Variants in DMRT3 observed in about 807,000 individuals in gnomAD.
DMRT3 encodes doublesex- and mab-3-related transcription factor 3.
Under a neutral mutation model 34.9 loss-of-function variants are expected in DMRT3, and 29 were observed. The observed-to-expected ratio is 0.83, with a 90% CI of 0.62 to 1.13. The LOEUF is 1.13. Among genes scored for constraint, DMRT3 ranks in the 50% most tolerant of loss-of-function variants. The pLI, the probability that DMRT3 is intolerant of heterozygous loss-of-function variation, is 0.00. For missense variants in DMRT3, 772 were observed against 629.1 expected, an observed-to-expected ratio of 1.23 and a Z score of -2.43; for synonymous variants, 350 against 286.0, an observed-to-expected ratio of 1.22 and a Z score of -2.26.
intron 1 of DMRT3, among the ~76,000 whole-genome samples, chr9:981,787 C>T (rs1011843383): frequency 3.9e-5 from 6 of 152,194 alleles, no homozygotes; most frequent in African/African-American, 9.7e-5. Flanking sequence ...ACCAGGGGGT[C>T]GGAGCTGCAG....
intron 1 of DMRT3, among the ~76,000 whole-genome samples, chr9:984,577 C>G (rs1245145384): frequency 1.3e-5 from 2 of 152,036 alleles, no homozygotes; most frequent in Non-Finnish European, 2.9e-5. Context: ...CTGCCTCAGC[C>G]TCCTGAGTAG....
chr9:980,047 T>G (rs1221461512), intron 1 of DMRT3, among the ~76,000 whole-genome samples: 1 of 152,154 alleles, frequency 6.6e-6, no homozygotes, highest in Non-Finnish European at 1.5e-5. Flanking sequence ...TTAGTCTTTT[T>G]GCGGGGCAAA....
In DMRT3 at chr9:990,741, G is replaced by A; in HGVS notation, c.1155G>A (p.Leu385=). 1 of 1,613,974 alleles carries A rather than the reference G, an allele frequency of 6.2e-7. No individual in the cohort carries two copies. Among genetic ancestry groups the A allele is most frequent in the Non-Finnish European group, 8.5e-7 (1 of 1,179,980 alleles). The change falls in exon 2 of 2, where the codon TTG becomes TTA. Residue 385 remains leucine (L), a synonymous_variant. Coordinates refer to ENST00000190165, the MANE Select transcript of DMRT3 (RefSeq NM_021240.4). ...TLARSQSSPF[L]PNDVTLWNTM... is the part of the protein sequence containing the mutation. ...CGAGAAGCCAGTCGAGCCCCTTTTT[G>A]CCCAATGATGTCACCCTGTGGAACA...
Position 990,626 on chromosome 9 carries a change from G to C in DMRT3, c.1040G>C (p.Ser347Thr), listed in dbSNP as rs151119715. Residue 347 changes from serine (S) to threonine (T), a missense_variant, in exon 2 of 2, where the codon AGC becomes ACC. Physicochemically the swap from Ser to Thr is moderately conservative, Grantham distance 58. Coordinates refer to ENST00000190165, the MANE Select transcript of DMRT3 (RefSeq NM_021240.4). The part of the protein sequence containing the change: ...PDTLRFSADS[S>T]NVVPSPLAGP... ...ACGTTGAGGTTTTCTGCCGACTCTA[G>C]CAACGTTGTCCCCAGTCCCTTGGCT... is the stretch of plus-strand genomic sequence containing the variant. 509 of 1,614,106 alleles carry C rather than the reference G, an allele frequency of 3.2e-4. No homozygotes were observed. The African/African-American group carries it at 6.1e-3, about 19-fold the overall frequency.
Position 990,267 on chromosome 9 carries a change from G to C in DMRT3, c.681G>C (p.Gln227His). The C allele has an allele frequency of 6.2e-7, 1 of 1,613,920 alleles. No homozygotes were observed. Among genetic ancestry groups the C allele is most frequent in the East Asian group, 2.2e-5 (1 of 44,854 alleles). The change falls in exon 2 of 2, where the codon CAG becomes CAC. Residue 227 changes from glutamine (Q) to histidine (H), a missense_variant. Gln to His is a conservative substitution (Grantham distance 24). Transcript: ENST00000190165. ...ACAGCCCCAAGTGTCACGCGGAGCA[G>C]AATCACCTCCTGATTGAGGGCCCCT... ...RPDSPKCHAEQNHLLIEGPSG... is the reference protein window; with the variant it reads ...RPDSPKCHAEHNHLLIEGPSG...
chr9:990,968 A>G lies in DMRT3; in HGVS notation c.1382A>G (p.Asp461Gly). The G allele has an allele frequency of 6.2e-7, 1 of 1,613,178 alleles. No individual in the cohort carries two copies. The highest frequency in any genetic ancestry group is 8.5e-7 in the Non-Finnish European group (1 of 1,179,714). ...YTEDDYDERSDSSDSRTLNTS... is the reference protein window; with the variant it reads ...YTEDDYDERSGSSDSRTLNTS... ...GAGGACGACTATGACGAGAGGTCTGACTCCTCAGACTCTAGAACACTCAAC... is the reference window on the plus strand; with the variant it reads ...GAGGACGACTATGACGAGAGGTCTGGCTCCTCAGACTCTAGAACACTCAAC... Residue 461 changes from aspartate to glycine, a missense_variant, in exon 2 of 2, where the codon GAC becomes GGC. Coordinates refer to ENST00000190165, the MANE Select transcript of DMRT3 (RefSeq NM_021240.4).
chr9:984,693 G>A (rs146909561), intron 1 of DMRT3, among the ~76,000 whole-genome samples: 2,977 of 152,118 alleles, frequency 0.02, 91 homozygotes, highest in African/African-American at 0.067. Context: ...TCCTGACCTC[G>A]TGATCCACCT....
rs16927037 is a variant in DMRT3 at position 990,653 on chromosome 9, G to A, written c.1067G>A (p.Gly356Glu). 5 of 1,613,946 alleles carry A rather than the reference G, an allele frequency of 3.1e-6. No individual in the cohort carries two copies. Among genetic ancestry groups the A allele is most frequent in the South Asian group, 1.1e-5 (1 of 91,070 alleles). The stretch of plus-strand genomic sequence containing the variant: ...AACGTTGTCCCCAGTCCCTTGGCTG[G>A]GCCTCTGCAGCCCCCTTTCCCCCAG... Reference protein sequence around the residue: ...SSNVVPSPLAGPLQPPFPQPP... With the variant: ...SSNVVPSPLAEPLQPPFPQPP... The change falls in exon 2 of 2, where the codon GGG becomes GAG. Residue 356 changes from glycine (G) to glutamate (E), a missense_variant. Gly to Glu is a moderately conservative substitution (Grantham distance 98, BLOSUM62 -2). Transcript: ENST00000190165.
Position 977,468 on chromosome 9 carries a change from G to C in DMRT3, c.454+13G>C. The stretch of plus-strand genomic sequence containing the variant: ...CTCGCCAAGCCAGGTAAGAGCGTCT[G>C]AGGTGCGGGAGTTTGGCCGGGCGCG... On this transcript the variant is annotated intron_variant, in intron 1 of 1. Coordinates refer to ENST00000190165, the MANE Select transcript of DMRT3 (RefSeq NM_021240.4). The C allele has an allele frequency of 7.8e-7, 1 of 1,279,662 alleles. No individual in the cohort carries two copies. Among genetic ancestry groups the C allele is most frequent in the Non-Finnish European group, 9.9e-7 (1 of 1,012,674 alleles). 79.3% of individuals were successfully genotyped at this position (1,279,662 alleles called of 1,614,324 possible).
rs1820232430 is a variant in DMRT3 at position 982,354 on chromosome 9, C to T, written c.454+4899C>T. On this transcript the variant is annotated intron_variant, in intron 1 of 1. Coordinates refer to ENST00000190165, the MANE Select transcript of DMRT3 (RefSeq NM_021240.4). ...CGTCTAGGAACCAGAGTTCTACTGC[C>T]ATCTGGGAAAGAACCTCTCTCCACC... 2.6e-5 allele frequency among the ~76,000 whole-genome samples: 4 copies of T among 152,204 alleles called. No individual in the cohort carries two copies. In the South Asian group the frequency reaches 6.2e-4, roughly 24 times the overall value.
intron 1 of DMRT3, among the ~76,000 whole-genome samples, chr9:983,753 A>C (rs538542524): frequency 6.6e-6 from 1 of 152,318 alleles, no homozygotes; most frequent in African/African-American, 2.4e-5. Context: ...TTTACAAAAT[A>C]TGTGAGGTCC....
Position 977,091 on chromosome 9 carries a change from G to A in DMRT3, c.90G>A (p.Ala30=). The change falls in exon 1 of 2, where the codon GCG becomes GCA. Residue 30 remains alanine, a synonymous_variant. Coordinates refer to ENST00000190165, the MANE Select transcript of DMRT3 (RefSeq NM_021240.4). Reference sequence around the variant, plus strand: ...CCCTGCAGCGCACGCCCAAGTGCGCGCGCTGCCGCAACCATGGCGTCCTGT... The same window carrying A: ...CCCTGCAGCGCACGCCCAAGTGCGCACGCTGCCGCAACCATGGCGTCCTGT... ...RAPLQRTPKC[A]RCRNHGVLSW... 1 of 1,600,248 alleles carries A rather than the reference G, an allele frequency of 6.2e-7. No individual in the cohort carries two copies. Among genetic ancestry groups the A allele is most frequent in the Non-Finnish European group, 8.5e-7 (1 of 1,174,270 alleles).
At chr9:987,244 T>A (rs1402857050) in intron 1 of DMRT3, among the ~76,000 whole-genome samples, 8 of 152,190 alleles carry the variant, frequency 5.3e-5, no homozygotes, top group Non-Finnish European at 8.8e-5. Flanking sequence ...ACCACCACAC[T>A]ACTTTCTCTC....
At chr9:989,098 CCTT>C (rs764022862) in intron 1 of DMRT3, among the ~76,000 whole-genome samples, 2 of 152,016 alleles carry the variant, frequency 1.3e-5, no homozygotes, top group Non-Finnish European at 2.9e-5. Context: ...TTTTTTCCCT[CCTT>C]CTTCTTTTCA....
intron 1 of DMRT3, among the ~76,000 whole-genome samples, chr9:982,603 A>G (rs1023034893): frequency 1.3e-5 from 2 of 152,216 alleles, no homozygotes; most frequent in Admixed American, 1.3e-4. Context: ...AATACAATCA[A>G]AGAGCATTGA....
Position 990,047 on chromosome 9 carries a change from C to G in DMRT3, c.461C>G (p.Thr154Ser), listed in dbSNP as rs757191358. 3.1e-6 allele frequency: 5 copies of G among 1,613,700 alleles called. No individual in the cohort carries two copies. The highest frequency in any genetic ancestry group is 1.7e-4 in the Middle Eastern group (1 of 6,058). Reference protein sequence around the residue: ...LQAQLAKPDLTEERLGDGKSA... With the variant: ...LQAQLAKPDLSEERLGDGKSA... ...CAGCTGTTCTGTTTTCCAGATTTGA[C>G]TGAAGAACGACTTGGAGACGGCAAG... The change falls in exon 2 of 2, where the codon ACT becomes AGT. Residue 154 changes from threonine to serine, a missense_variant. Thr to Ser is a moderately conservative substitution (Grantham distance 58). Coordinates refer to ENST00000190165, the MANE Select transcript of DMRT3 (RefSeq NM_021240.4).
intron 1 of DMRT3, among the ~76,000 whole-genome samples, chr9:980,574 A>G (rs1820203968): frequency 2.0e-5 from 3 of 152,004 alleles, no homozygotes; most frequent in Admixed American, 6.6e-5. Context: ...CTTAAATTTA[A>G]ATTCTAATTT....
chr9:987,412 CTGTGTGTGTGTGTGTGTGTGTG>C (rs6150885), intron 1 of DMRT3, among the ~76,000 whole-genome samples: 4 of 149,616 alleles, frequency 2.7e-5, no homozygotes, highest in East Asian at 2.0e-4. Context: ...TAATATCCCA[CTGTGTGTGTGTGTGTGTGTGTG>C]TGTGTGTGTG....
intron 1 of DMRT3, among the ~76,000 whole-genome samples, chr9:981,560 C>G (rs1820221503): frequency 6.6e-6 from 1 of 152,222 alleles, no homozygotes; most frequent in African/African-American, 2.4e-5. Context: ...CCAAACCCCA[C>G]CCCAGGGCTG....
Sources: allele counts gnomAD v4.1 joint callset (sites outside exome capture counted in the v4.1 genomes callset), GRCh38; gene constraint gnomAD v4.1.1; transcripts MANE v1.5; gene names NCBI Gene and HGNC (gene_info 2026-07-23, HGNC 2026-07-21).